Variants in BAZ2B observed in about 807,000 individuals in gnomAD.
BAZ2B encodes the protein bromodomain adjacent to zinc finger domain protein 2B.
BAZ2B carries 91 observed loss-of-function variants against 246.0 expected under a neutral mutation model. The observed-to-expected ratio is 0.37, with a 90% confidence interval of 0.31 to 0.44. The LOEUF (loss-of-function observed/expected upper bound fraction) is 0.44. Among genes scored for constraint, BAZ2B ranks in the 20% least tolerant of loss-of-function variants. BAZ2B has a pLI of 1.00. For missense variants in BAZ2B, 2,332 were observed against 2,533.7 expected (o/e 0.92, Z 1.71); for synonymous variants, 855 against 860.0 (o/e 0.99, Z 0.10).
the BAZ2B span, among the ~76,000 whole-genome samples, chr2:159,622,890 G>T: frequency 6.6e-5 from 10 of 150,834 alleles, no homozygotes; most frequent in South Asian, 4.2e-4. Context: ...CCAGCTATTC[G>T]AAGCCTGGGA....
chr2:159,350,211 C>G lies in BAZ2B; in HGVS notation c.4360G>C (p.Asp1454His), dbSNP rs768508082. Residue 1454 changes from aspartate (D) to histidine (H), a missense_variant, in exon 28 of 37, where the codon GAT becomes CAT. Asp to His is a moderately conservative substitution (Grantham distance 81, BLOSUM62 -1). Transcript: ENST00000392783. ...CEQKEDLKEK[D>H]NTNLFLQKPG... ...TTCTGAAGGAATAGATTTGTGTTAT[C>G]TTTTTCTTTAAGATCTTCCTTTTGT... is the stretch of plus-strand genomic sequence containing the variant. 7 of 1,613,818 alleles carry G rather than the reference C, an allele frequency of 4.3e-6. No individual in the cohort carries two copies. In the Admixed American group the frequency reaches 6.7e-5, roughly 15 times the overall value.
chr2:159,580,825 C>A (rs1177729048), intron 1 of BAZ2B, among the ~76,000 whole-genome samples: 1 of 152,070 alleles, frequency 6.6e-6, no homozygotes, highest in Non-Finnish European at 1.5e-5. Context: ...GAAAGGATTC[C>A]CTATTTAATA....
chr2:159,414,373 A>T (rs1400402073), intron 13 of BAZ2B, among the ~76,000 whole-genome samples: 2 of 152,198 alleles, frequency 1.3e-5, no homozygotes, highest in Non-Finnish European at 2.9e-5. Context: ...CAACATGGTG[A>T]CTACAATCAA....
intron 4 of BAZ2B, among the ~76,000 whole-genome samples, chr2:159,449,358 G>A (rs369224431): frequency 4.6e-5 from 7 of 152,094 alleles, no homozygotes; most frequent in African/African-American, 1.7e-4. Flanking sequence ...CAAAAGATAT[G>A]GGGTATTTTT....
At chr2:159,466,377 C>T (rs891550851) in intron 3 of BAZ2B, among the ~76,000 whole-genome samples, 6 of 152,132 alleles carry the variant, frequency 3.9e-5, no homozygotes, top group African/African-American at 1.4e-4. Flanking sequence ...CCTTCCCTTC[C>T]TTTCTTCAAT....
At chr2:159,474,314 C>T (rs1055730055) in intron 3 of BAZ2B, among the ~76,000 whole-genome samples, 1 of 152,112 alleles carries the variant, frequency 6.6e-6, no homozygotes, top group Admixed American at 6.5e-5. Flanking sequence ...TTATGTAATG[C>T]CCTTTTTTGT....
At chr2:159,647,205 T>G in the BAZ2B span, among the ~76,000 whole-genome samples, 3 of 152,140 alleles carry the variant, frequency 2.0e-5, no homozygotes, top group African/African-American at 7.2e-5. Flanking sequence ...TATAAGGAAT[T>G]CACCCATACA....
chr2:159,324,181 T>A (rs2063120497), intron 36 of BAZ2B, among the ~76,000 whole-genome samples: 1 of 152,136 alleles, frequency 6.6e-6, no homozygotes. Flanking sequence ...AAATATATAT[T>A]GTATGAGTAT....
the BAZ2B span, among the ~76,000 whole-genome samples, chr2:159,639,408 G>C: frequency 6.6e-6 from 1 of 152,170 alleles, no homozygotes; most frequent in Non-Finnish European, 1.5e-5. Flanking sequence ...CACTGTAATT[G>C]TGGTGTGTAA....
the BAZ2B span, among the ~76,000 whole-genome samples, chr2:159,632,737 T>G: frequency 6.6e-6 from 1 of 152,330 alleles, no homozygotes; most frequent in African/African-American, 2.4e-5. Context: ...ATTAAAGTGA[T>G]ACACTGTAAA....
At chr2:159,332,326 C>A (rs199854987) in intron 34 of BAZ2B, among the ~76,000 whole-genome samples, 11 of 141,364 alleles carry the variant, frequency 7.8e-5, no homozygotes, top group Admixed American at 1.4e-4. Context: ...ATCTCTCTCT[C>A]AAAAAAAAAA....
chr2:159,523,403 A>G (rs2151275145), intron 2 of BAZ2B, among the ~76,000 whole-genome samples: 1 of 150,710 alleles, frequency 6.6e-6, no homozygotes, highest in South Asian at 2.1e-4. Context: ...CCCTGTCTCT[A>G]AAAAAAAACA....
intron 3 of BAZ2B, among the ~76,000 whole-genome samples, chr2:159,454,466 A>T (rs779474134): frequency 2.0e-5 from 3 of 152,202 alleles, no homozygotes; most frequent in African/African-American, 4.8e-5. Context: ...ACTAGGCTAC[A>T]AACCTGTTCA....
chr2:159,374,838 G>T (rs183422598), intron 25 of BAZ2B, 85 bp from the exon 26 acceptor site: 3 of 1,183,468 alleles, frequency 2.5e-6, no homozygotes, highest in African/African-American at 3.3e-5. Flanking sequence ...GTCTCCTATA[G>T]GCACTGCGGA....
chr2:159,453,951 C>T (rs1429641403), intron 3 of BAZ2B, 150 bp from the exon 4 acceptor site: 5 of 581,342 alleles, frequency 8.6e-6, no homozygotes, highest in African/African-American at 7.7e-5. Flanking sequence ...TCTTCAAACC[C>T]TATAAAATGT....
At chr2:159,584,498 G>A (rs1286277557) in intron 1 of BAZ2B, among the ~76,000 whole-genome samples, 1 of 152,182 alleles carries the variant, frequency 6.6e-6, no homozygotes, top group Non-Finnish European at 1.5e-5. Context: ...AGCCCTAGAA[G>A]GCTACTACAA....
At chr2:159,606,431 T>A (rs1222055696) in intron 1 of BAZ2B, among the ~76,000 whole-genome samples, 1 of 152,200 alleles carries the variant, frequency 6.6e-6, no homozygotes, top group African/African-American at 2.4e-5. Flanking sequence ...TTTTTTCAAA[T>A]GTTGAAGATA....
At chr2:159,698,261 C>G in the BAZ2B span, among the ~76,000 whole-genome samples, 1 of 151,978 alleles carries the variant, frequency 6.6e-6, no homozygotes, top group Non-Finnish European at 1.5e-5. Flanking sequence ...GTGGCTCATG[C>G]CTGTAATCCC....
chr2:159,618,434 G>A (rs1197475453), upstream of BAZ2B, among the ~76,000 whole-genome samples: 2 of 152,018 alleles, frequency 1.3e-5, no homozygotes, highest in Non-Finnish European at 2.9e-5. Context: ...GCCAAGCTCT[G>A]TACATGTATG....
Sources: allele counts gnomAD v4.1 joint callset (sites outside exome capture counted in the v4.1 genomes callset), GRCh38; gene constraint gnomAD v4.1.1; transcripts MANE v1.5; gene names NCBI Gene and HGNC (gene_info 2026-07-23, HGNC 2026-07-21).